The following SAR1A variants were observed in gnomAD, a reference collection of about 807,000 sequenced individuals.
SAR1A encodes secretion associated Ras related GTPase 1A, also known as small COPII coat GTPase SAR1A.
In SAR1A, 6 loss-of-function variants were observed where a neutral mutation model predicts 22.6. That is an observed-to-expected ratio of 0.27 (90% CI 0.15 to 0.52). The LOEUF is 0.52. SAR1A is among the 20% of genes least tolerant of loss of function. The pLI is 0.96. For missense variants in SAR1A, 145 were observed against 245.1 expected, an observed-to-expected ratio of 0.59 and a Z score of 2.73; for synonymous variants, 70 against 82.2, an observed-to-expected ratio of 0.85 and a Z score of 0.80.
intron 5 of SAR1A, among the ~76,000 whole-genome samples, chr10:70,156,053 T>C (rs1319126632): frequency 1.3e-5 from 2 of 152,180 alleles, no homozygotes; most frequent in African/African-American, 4.8e-5. Context: ...GTGGACTGCA[T>C]GTCCAGGTAG....
At position 70,161,620 on chromosome 10, in the gene SAR1A, C is replaced by G. The variant is rs1334513857; in HGVS notation, c.177G>C (p.Pro59=). The G allele has an allele frequency of 2.5e-6, 4 of 1,612,140 alleles. No homozygotes were observed. In the South Asian group the frequency reaches 3.3e-5, roughly 13 times the overall value. The change falls in exon 3 of 7, where the codon CCG becomes CCC. Residue 59 remains proline (P), a splice_region_variant and synonymous_variant. Transcript: ENST00000373241. Reference sequence around the variant, plus strand: ...GTCACCTGATATTTTCAAACCTACTCGGATGTAGTGTTGGAACATGTTGGC... The same window carrying G: ...GTCACCTGATATTTTCAAACCTACTGGGATGTAGTGTTGGAACATGTTGGC... ...RLGQHVPTLH[P]TSEELTIAGM...
intron 5 of SAR1A, among the ~76,000 whole-genome samples, chr10:70,157,130 C>T (rs1043610056): frequency 1.6e-4 from 24 of 152,186 alleles, no homozygotes; most frequent in Middle Eastern, 3.4e-3. Flanking sequence ...ATGGGCCAGG[C>T]GCGGTGGCTC....
intron 1 of SAR1A, chr10:70,162,699 T>C (rs1839491499): frequency 6.6e-6 from 1 of 152,204 alleles, no homozygotes; most frequent in Non-Finnish European, 1.5e-5. Context: ...CCTCATTTGA[T>C]GATACTTTGT....
In SAR1A at chr10:70,154,993, A is replaced by G. The variant is rs117093521; in HGVS notation, c.349-1024T>C. On this transcript the variant is annotated intron_variant, in intron 5 of 6. Coordinates refer to ENST00000373241, the MANE Select transcript of SAR1A (RefSeq NM_020150.5). ...TAAACAACGGCTTTGCATTAGGACA[A>G]TAATTCAGGAAGCCACACAGTACTG... 3.6e-5 allele frequency: 16 copies of G among 449,088 alleles called. No homozygotes were observed. The East Asian group carries it at 8.9e-4, about 25-fold the overall frequency. The allele number at this position is 449,088 out of a possible 1,614,324, so 27.8% of individuals were successfully genotyped here. A position where few individuals can be genotyped will look rare whatever the true frequency, so the allele number is the denominator to read the frequency against.
At chr10:70,154,333 A>C (rs927429074) in intron 5 of SAR1A, among the ~76,000 whole-genome samples, 3 of 152,230 alleles carry the variant, frequency 2.0e-5, no homozygotes, top group African/African-American at 7.2e-5. Context: ...AGAGCCTCAA[A>C]GATGACTACA....
intron 1 of SAR1A, among the ~76,000 whole-genome samples, chr10:70,169,655 A>G (rs2136726530): frequency 6.6e-6 from 1 of 152,336 alleles, no homozygotes; most frequent in Admixed American, 6.5e-5. Context: ...TTGGGGTAGT[A>G]GGCGGCTGGC....
At chr10:70,157,399 G>A (rs1284418963) in intron 5 of SAR1A, among the ~76,000 whole-genome samples, 5 of 93,128 alleles carry the variant, frequency 5.4e-5, no homozygotes, top group African/African-American at 9.8e-5. Flanking sequence ...GCAAGACTCC[G>A]TCAAAAAAAA....
At chr10:70,164,143 A>G (rs1839514192) in intron 1 of SAR1A, 1 of 694,410 alleles carries the variant, frequency 1.4e-6, no homozygotes, top group African/African-American at 1.8e-5. Flanking sequence ...CCTTGTACAG[A>G]ATGTGTTAAA....
chr10:70,164,663 GA>G (rs1299422714), intron 1 of SAR1A, among the ~76,000 whole-genome samples: 1 of 152,114 alleles, frequency 6.6e-6, no homozygotes, highest in East Asian at 1.9e-4. Context: ...GCCACTTAAA[GA>G]AAATGTGCTT....
At chr10:70,162,397 AGGAAAGGGAAAG>A (rs1180610508) in intron 1 of SAR1A, among the ~76,000 whole-genome samples, 20 of 124,514 alleles carry the variant, frequency 1.6e-4, no homozygotes, top group South Asian at 2.9e-4. Flanking sequence ...GAAAGGGAAA[AGGAAAGGGAAAG>A]GGAAAGGGAA....
rs1839328319 is a variant in SAR1A at position 70,151,625 on chromosome 10, T to TTTGA, written c.*847_*850dup. 1 of 152,608 alleles carries TTTGA rather than the reference T, an allele frequency of 6.6e-6. No individual in the cohort carries two copies. Among genetic ancestry groups the TTTGA allele is most frequent in the South Asian group, 2.1e-4 (1 of 4,828 alleles). 9.5% of individuals were successfully genotyped at this position (152,608 alleles called of 1,614,324 possible). A position where few individuals can be genotyped will look rare whatever the true frequency, so the allele number is the denominator to read the frequency against. On this transcript the variant is annotated 3_prime_UTR_variant, in exon 7 of 7. Coordinates refer to ENST00000373241, the MANE Select transcript of SAR1A (RefSeq NM_020150.5). ...ACTCTTTTATGAGGTCAAAGTCACT[T>TTTGA]TTGATAACTGAAAACGAAAAAGGAA...
intron 5 of SAR1A, among the ~76,000 whole-genome samples, chr10:70,156,257 C>A (rs1487729796): frequency 6.6e-6 from 1 of 152,158 alleles, no homozygotes; most frequent in Non-Finnish European, 1.5e-5. Context: ...AGAAAGTACT[C>A]TGGAGAACAC....
intron 4 of SAR1A, 88 bp downstream of exon 4, chr10:70,160,916 G>A: frequency 2.9e-5 from 22 of 769,958 alleles, no homozygotes; most frequent in South Asian, 6.0e-5. Context: ...AATTTAAAAG[G>A]TAAAAATGAC....
In SAR1A at chr10:70,152,501, C is replaced by T. The variant is rs748066485; in HGVS notation, c.572G>A (p.Arg191His). The change falls in exon 7 of 7, where the codon CGC becomes CAC. Residue 191 changes from arginine (R) to histidine (H), a missense_variant. By Grantham distance (29) the Arg-to-His change is conservative. Transcript: ENST00000373241. Reference protein sequence around the residue: ...LKRQGYGEGFRWLSQYID With the variant: ...LKRQGYGEGFHWLSQYID ...TCAGTCAATATACTGGGAGAGCCAG[C>T]GGAAACCCTCGCCGTAACCTTGCCT... is the stretch of plus-strand genomic sequence containing the variant. 6.2e-7 allele frequency: 1 copy of T among 1,613,468 alleles called. No homozygotes were observed. The highest frequency in any genetic ancestry group is 8.5e-7 in the Non-Finnish European group (1 of 1,179,542).
chr10:70,162,128 C>G (rs929691688), intron 1 of SAR1A, among the ~76,000 whole-genome samples, 197 bp from the exon 2 acceptor site: 2 of 151,952 alleles, frequency 1.3e-5, no homozygotes, highest in Non-Finnish European at 2.9e-5. Flanking sequence ...TCACTTGAGC[C>G]CAGGAGTTCA....
intron 6 of SAR1A, among the ~76,000 whole-genome samples, 169 bp downstream of exon 6, chr10:70,153,669 G>A (rs1012815643): frequency 2.0e-5 from 3 of 152,162 alleles, no homozygotes; most frequent in Non-Finnish European, 4.4e-5. Flanking sequence ...CATTTAAAAC[G>A]TTAAAAAGAA....
intron 5 of SAR1A, chr10:70,155,266 G>C (rs557727408): frequency 5.5e-5 from 18 of 324,340 alleles, no homozygotes; most frequent in South Asian, 4.2e-4. Flanking sequence ...TACTGCAGGA[G>C]GCATTTTGAA....
At position 70,152,143 on chromosome 10, in the gene SAR1A, G is replaced by C. The variant is rs1269411699; in HGVS notation, c.*333C>G. ...TTAACAACGCTTTCTTTAAAAAATA[G>C]AATCACTTTCTTTTGAATCAACCAC... On this transcript the variant is annotated 3_prime_UTR_variant, in exon 7 of 7. Coordinates refer to ENST00000373241, the MANE Select transcript of SAR1A (RefSeq NM_020150.5). 7.0e-6 allele frequency: 2 copies of C among 287,598 alleles called. No individual in the cohort carries two copies. Among genetic ancestry groups the C allele is most frequent in the East Asian group, 1.6e-4 (2 of 12,792 alleles). The allele number at this position is 287,598 out of a possible 1,614,324, so 17.8% of individuals were successfully genotyped here.
chr10:70,150,415 T>C lies in SAR1A; in HGVS notation c.*2061A>G, dbSNP rs758619884. ...TCTTTCAGCTATCTTATAGGAATAGTGTTCCGTGGGGCAAGAAATACATTG... is the reference window on the plus strand; with the variant it reads ...TCTTTCAGCTATCTTATAGGAATAGCGTTCCGTGGGGCAAGAAATACATTG... On this transcript the variant is annotated 3_prime_UTR_variant, in exon 7 of 7. Transcript: ENST00000373241. 3 of 152,354 alleles carry C rather than the reference T, an allele frequency of 2.0e-5. No individual in the cohort carries two copies. The highest frequency in any genetic ancestry group is 4.4e-5 in the Non-Finnish European group (3 of 68,040). 9.4% of individuals were successfully genotyped at this position (152,354 alleles called of 1,614,324 possible).
Sources: gnomAD v4.1 joint callset for allele counts (sites outside exome capture counted in the v4.1 genomes callset) on GRCh38, gnomAD v4.1.1 for gene constraint, MANE v1.5 for transcripts, NCBI Gene and HGNC (gene_info 2026-07-23, HGNC 2026-07-21) for gene names.